The following KARS1 variants were observed in gnomAD, a reference collection of about 807,000 sequenced individuals.
The protein encoded by KARS1 is lysine--tRNA ligase.
KARS1 carries 50 observed loss-of-function variants against 63.9 expected under a neutral mutation model. That is an observed-to-expected ratio of 0.78 (90% CI 0.62 to 0.99). KARS1 has a LOEUF of 0.99. KARS1 is among the 50% of genes least tolerant of loss of function. The pLI is 0.00. For synonymous variants in KARS1, 320 were observed against 264.6 expected (o/e 1.21, Z -2.03); for missense variants, 816 against 754.5 (o/e 1.08, Z -0.95).
chr16:75,638,112 A>G (rs1290825389), intron 3 of KARS1, among the ~76,000 whole-genome samples: 1 of 152,178 alleles, frequency 6.6e-6, no homozygotes, highest in African/African-American at 2.4e-5. Context: ...CATACCATAT[A>G]AAGTTACTTA....
intron 1 of KARS1, 123 bp downstream of exon 1, chr16:75,647,455 T>A: frequency 1.1e-6 from 1 of 906,570 alleles, no homozygotes; most frequent in Non-Finnish European, 1.8e-6. Context: ...CGTCTCAGCA[T>A]GTGCGTACCC....
rs748887124 is a variant in KARS1 at position 75,631,266 on chromosome 16, T to C, written c.1253-13A>G. 1.2e-6 allele frequency: 2 copies of C among 1,612,800 alleles called. No individual in the cohort carries two copies. The highest frequency in any genetic ancestry group is 1.7e-6 in the Non-Finnish European group (2 of 1,179,008). ...ATTTTGCGAGTTTCTGGGACACAAA[T>C]GCAAAAGTTAGGGCAGGAGACATCA... On this transcript the variant is annotated splice_polypyrimidine_tract_variant and intron_variant, in intron 9 of 13. Transcript: ENST00000302445.
intron 3 of KARS1, 142 bp downstream of exon 3, chr16:75,640,042 A>T: frequency 1.4e-6 from 1 of 732,712 alleles, no homozygotes; most frequent in South Asian, 1.5e-5. Flanking sequence ...TTCTGTATAG[A>T]TATAATGGCA....
At chr16:75,629,157 T>C (rs1174236715) in intron 12 of KARS1, 4 of 522,968 alleles carry the variant, frequency 7.6e-6, no homozygotes, top group Middle Eastern at 5.4e-4. Flanking sequence ...AAGAAAATAA[T>C]GTTCTTGCTT....
At chr16:75,641,389 TAAA>T (rs904790395) in intron 2 of KARS1, among the ~76,000 whole-genome samples, 172 bp downstream of exon 2, 1 of 152,030 alleles carries the variant, frequency 6.6e-6, no homozygotes, top group African/African-American at 2.4e-5. Flanking sequence ...GGGGTTGACA[TAAA>T]AAACACTCAG....
intron 7 of KARS1, 67 bp from the exon 8 acceptor site, chr16:75,631,922 T>C (rs951528243): frequency 8.5e-5 from 135 of 1,589,762 alleles, no homozygotes; most frequent in Non-Finnish European, 1.1e-4. Flanking sequence ...AGTTTTGCTC[T>C]TGTTGCCTAG....
chr16:75,628,525 G>A, intron 13 of KARS1, 44 bp downstream of exon 13: 2 of 1,609,504 alleles, frequency 1.2e-6, no homozygotes, highest in Non-Finnish European at 1.7e-6. Flanking sequence ...CCAACACAAT[G>A]CAGCTTCCTC....
chr16:75,642,158 G>A (rs1368353261), intron 1 of KARS1, among the ~76,000 whole-genome samples: 1 of 138,712 alleles, frequency 7.2e-6, no homozygotes, highest in Non-Finnish European at 1.5e-5. Context: ...TATCCCCCTA[G>A]AAGGTGAAGT....
At chr16:75,640,437 C>A in intron 2 of KARS1, 88 bp from the exon 3 acceptor site, 1 of 1,180,042 alleles carries the variant, frequency 8.5e-7, no homozygotes, top group East Asian at 2.3e-5. Context: ...GTATTCTGCC[C>A]CCGAGTGACC....
intron 1 of KARS1, 147 bp downstream of exon 1, chr16:75,647,431 G>A: frequency 1.3e-6 from 1 of 792,286 alleles, no homozygotes. Flanking sequence ...GTGGTCTGCA[G>A]GGCGCAGCCA....
chr16:75,644,165 G>C (rs1198018888), intron 1 of KARS1: 1 of 823,372 alleles, frequency 1.2e-6, no homozygotes, highest in African/African-American at 1.7e-5. Flanking sequence ...TTGGTATTAG[G>C]GCTCCTTGTT....
intron 1 of KARS1, 85 bp downstream of exon 1, chr16:75,647,493 C>T: frequency 7.7e-7 from 1 of 1,296,570 alleles, no homozygotes. Context: ...GGCCCCGGCA[C>T]AGCAGCCTTG....
chr16:75,629,274 A>G, intron 12 of KARS1, 141 bp downstream of exon 12: 1 of 998,866 alleles, frequency 1.0e-6, no homozygotes, highest in Non-Finnish European at 1.6e-6. Flanking sequence ...ACCATCTTGA[A>G]ATGTGACTCC....
Position 75,629,520 on chromosome 16 carries a change from C to A in KARS1, c.1446G>T (p.Leu482=). The A allele has an allele frequency of 6.2e-7, 1 of 1,614,144 alleles. No homozygotes were observed. Among genetic ancestry groups the A allele is most frequent in the South Asian group, 1.1e-5 (1 of 91,070 alleles). Residue 482 remains leucine, a synonymous_variant, in exon 12 of 14, where the codon CTG becomes CTT. Coordinates refer to ENST00000302445, the MANE Select transcript of KARS1 (RefSeq NM_005548.3). ...TGACAAACAGCTCAAAGCGCTCAGTCAGACCCTCTTTAGAGCGGTGCCTAG... is the reference window on the plus strand; with the variant it reads ...TGACAAACAGCTCAAAGCGCTCAGTAAGACCCTCTTTAGAGCGGTGCCTAG... ...LAKWHRSKEG[L]TERFELFVMK...
chr16:75,631,134 T>A, intron 10 of KARS1, 34 bp downstream of exon 10: 1 of 1,551,870 alleles, frequency 6.4e-7, no homozygotes, highest in Non-Finnish European at 8.9e-7. Context: ...CAGCACCAGA[T>A]GAGGACATGT....
At chr16:75,640,916 G>A (rs999368028) in intron 2 of KARS1, among the ~76,000 whole-genome samples, 5 of 152,134 alleles carry the variant, frequency 3.3e-5, no homozygotes, top group African/African-American at 1.2e-4. Context: ...GTAAAACCAA[G>A]GAGGGGCAAG....
chr16:75,635,657 G>A (rs1286854522), intron 6 of KARS1, 23 bp downstream of exon 6: 17 of 1,612,742 alleles, frequency 1.1e-5, no homozygotes, highest in South Asian at 3.3e-5. Flanking sequence ...AGCTCATCAC[G>A]TCAGGCAAGG....
At chr16:75,635,575 T>A in intron 6 of KARS1, 105 bp downstream of exon 6, 1 of 1,264,902 alleles carries the variant, frequency 7.9e-7, no homozygotes, top group Non-Finnish European at 1.1e-6. Flanking sequence ...TCATTAGGCA[T>A]GAAGGATCCT....
rs753151962 is a variant in KARS1 at position 75,629,395 on chromosome 16, C to T, written c.1551+20G>A. ...TCCTGGTGAGTTGGCACAGCTTCTG[C>T]TCACAGTCCCCTTTCTCACCTTGGC... On this transcript the variant is annotated intron_variant, in intron 12 of 13. Coordinates refer to ENST00000302445, the MANE Select transcript of KARS1 (RefSeq NM_005548.3). 17 of 1,613,522 alleles carry T rather than the reference C, an allele frequency of 1.1e-5. No homozygotes were observed. The highest frequency in any genetic ancestry group is 1.4e-5 in the Non-Finnish European group (17 of 1,179,648).
Sources: gnomAD v4.1 joint callset for allele counts (sites outside exome capture counted in the v4.1 genomes callset) on GRCh38, gnomAD v4.1.1 for gene constraint, MANE v1.5 for transcripts, NCBI Gene and HGNC (gene_info 2026-07-23, HGNC 2026-07-21) for gene names.